UNC13C: variants seen among roughly 807,000 people sequenced by gnomAD.
UNC13C encodes the protein protein unc-13 homolog C.
A neutral mutation model predicts 245.4 loss-of-function variants in UNC13C; 174 were observed. The observed-to-expected ratio is 0.71, with a 90% confidence interval of 0.63 to 0.80. UNC13C has a LOEUF of 0.80. Ranked by LOEUF, UNC13C falls within the 30% of genes least tolerant of loss-of-function variation. The pLI is 0.00. For synonymous variants in UNC13C, 992 were observed against 895.1 expected, an observed-to-expected ratio of 1.11 and a Z score of -1.93; for missense variants, 2,829 against 2,602.9, an observed-to-expected ratio of 1.09 and a Z score of -1.89.
intron 4 of UNC13C, among the ~76,000 whole-genome samples, chr15:54,200,730 C>T (rs919248829): frequency 6.6e-6 from 1 of 151,850 alleles, no homozygotes. Context: ...TGAAAGAGCA[C>T]TCAGACAATC....
At chr15:54,086,527 C>T (rs537375312) in intron 2 of UNC13C, among the ~76,000 whole-genome samples, 186 of 152,138 alleles carry the variant, frequency 1.2e-3, no homozygotes, top group African/African-American at 4.2e-3. Flanking sequence ...AGGTTTGATA[C>T]TCCTTTAACA....
At chr15:54,239,123 C>T (rs1427541971) in intron 7 of UNC13C, among the ~76,000 whole-genome samples, 2 of 152,184 alleles carry the variant, frequency 1.3e-5, no homozygotes, top group African/African-American at 4.8e-5. Context: ...GCAACTTTGT[C>T]ATTCTTGTAG....
chr15:54,136,857 T>TA (rs1323306659), intron 2 of UNC13C, among the ~76,000 whole-genome samples: 1 of 134,440 alleles, frequency 7.4e-6, no homozygotes, highest in African/African-American at 2.7e-5. Context: ...TTTTTTTTTT[T>TA]AACTTTAAGA....
chr15:54,617,095 G>C (rs2141300664), intron 30 of UNC13C, among the ~76,000 whole-genome samples: 1 of 152,138 alleles, frequency 6.6e-6, no homozygotes, highest in African/African-American at 2.4e-5. Flanking sequence ...TACACTTGAT[G>C]ATGTTCGCAC....
chr15:54,424,303 G>C (rs1391486368), intron 19 of UNC13C, among the ~76,000 whole-genome samples: 1 of 151,856 alleles, frequency 6.6e-6, no homozygotes, highest in Non-Finnish European at 1.5e-5. Flanking sequence ...AAATGTTTTG[G>C]CAACAAAAGA....
chr15:53,936,248 G>A, the UNC13C span, among the ~76,000 whole-genome samples: 1 of 151,938 alleles, frequency 6.6e-6, no homozygotes. Flanking sequence ...TCTTCCACAA[G>A]GCAGCAGATC....
chr15:53,968,756 C>T, the UNC13C span, among the ~76,000 whole-genome samples: 20 of 152,278 alleles, frequency 1.3e-4, no homozygotes, highest in African/African-American at 4.8e-4. Flanking sequence ...GAATCAAAAG[C>T]TGATGGCCAG....
the UNC13C span, among the ~76,000 whole-genome samples, chr15:53,844,665 G>A: frequency 6.6e-6 from 1 of 152,098 alleles, no homozygotes; most frequent in African/African-American, 2.4e-5. Context: ...CATCTCAAAG[G>A]GACAAATGTT....
chr15:54,388,798 C>G (rs1289419014), intron 17 of UNC13C, among the ~76,000 whole-genome samples: 1 of 151,958 alleles, frequency 6.6e-6, no homozygotes. Flanking sequence ...CTAATTTATT[C>G]CATAATTTCG....
chr15:54,333,989 T>A, intron 16 of UNC13C, 133 bp downstream of exon 16: 1 of 588,624 alleles, frequency 1.7e-6, no homozygotes, highest in South Asian at 2.4e-5. Context: ...TATCTTTGCC[T>A]GAACTCGATG....
chr15:54,295,079 T>C (rs1037047537), intron 11 of UNC13C, among the ~76,000 whole-genome samples: 1 of 152,156 alleles, frequency 6.6e-6, no homozygotes, highest in African/African-American at 2.4e-5. Context: ...AGATTTGTAC[T>C]CTTATGTATT....
intron 7 of UNC13C, among the ~76,000 whole-genome samples, chr15:54,248,124 C>CAT (rs1209774142): frequency 6.6e-6 from 1 of 152,148 alleles, no homozygotes; most frequent in Non-Finnish European, 1.5e-5. Flanking sequence ...ATGTAAGGTA[C>CAT]ATTACTTACT....
intron 14 of UNC13C, among the ~76,000 whole-genome samples, chr15:54,323,254 T>C (rs2038212476): frequency 6.6e-6 from 1 of 152,022 alleles, no homozygotes; most frequent in African/African-American, 2.4e-5. Context: ...TTTTCTGTCC[T>C]TTTCCTCTGA....
At chr15:53,949,881 A>T in the UNC13C span, among the ~76,000 whole-genome samples, 1 of 152,194 alleles carries the variant, frequency 6.6e-6, no homozygotes, top group African/African-American at 2.4e-5. Flanking sequence ...ACTCTTTTTG[A>T]GTAGAGAAGG....
At position 54,077,666 on chromosome 15, in the gene UNC13C, C is replaced by T. The variant is rs112084952; in HGVS notation, c.2983+61780C>T. ...GATTACAGGCATGAGCCACCATGCC[C>T]GGCCAACTACTTCTCAAATTGGCAC... On this transcript the variant is annotated intron_variant, in intron 2 of 32. Transcript: ENST00000260323. Among the ~76,000 whole-genome samples the T allele has an allele frequency of 8.2e-3, 1,247 of 152,038 alleles. 27 individuals carry two copies. Among genetic ancestry groups the T allele is most frequent in the African/African-American group, 0.028 (1,175 of 41,454 alleles).
intron 10 of UNC13C, among the ~76,000 whole-genome samples, chr15:54,284,627 GCA>G (rs71132799): frequency 0.057 from 8,565 of 150,904 alleles, 523 homozygotes; most frequent in East Asian, 0.22. Flanking sequence ...GCACACTTGT[GCA>G]CACACACACA....
Position 54,432,355 on chromosome 15 carries a change from T to C in UNC13C, c.4933+17288T>C, listed in dbSNP as rs191843518. ...TTCAGAAAAGCGTTCCATAAGGAAG[T>C]GATTTTTGTGCCAAGATTTCACAAA... is the stretch of plus-strand genomic sequence containing the variant. On this transcript the variant is annotated intron_variant, in intron 19 of 32. Transcript: ENST00000260323. 4.0e-5 allele frequency among the ~76,000 whole-genome samples: 6 copies of C among 150,238 alleles called. No individual in the cohort carries two copies. In the East Asian group the frequency reaches 1.2e-3, roughly 29 times the overall value.
intron 13 of UNC13C, among the ~76,000 whole-genome samples, chr15:54,310,809 C>T (rs1002513056): frequency 1.3e-5 from 2 of 151,650 alleles, no homozygotes; most frequent in Non-Finnish European, 2.9e-5. Context: ...CACACATGCA[C>T]ACACACTTTG....
At chr15:54,482,417 G>A (rs1893171218) in intron 19 of UNC13C, among the ~76,000 whole-genome samples, 1 of 152,098 alleles carries the variant, frequency 6.6e-6, no homozygotes, top group Non-Finnish European at 1.5e-5. Flanking sequence ...CCAGTCTCAG[G>A]GCCTGTGAGA....
Sources: gnomAD v4.1 joint callset for allele counts (sites outside exome capture counted in the v4.1 genomes callset) on GRCh38, gnomAD v4.1.1 for gene constraint, MANE v1.5 for transcripts, NCBI Gene and HGNC (gene_info 2026-07-23, HGNC 2026-07-21) for gene names.